OSBPL1A: variants seen among roughly 807,000 people sequenced by gnomAD.
The protein encoded by OSBPL1A is oxysterol-binding protein-related protein 1.
OSBPL1A carries 80 observed loss-of-function variants against 137.1 expected under a neutral mutation model. The observed-to-expected ratio is 0.58, with a 90% CI of 0.49 to 0.70. The LOEUF (loss-of-function observed/expected upper bound fraction) is 0.70, where lower values mean the gene tolerates loss of function less well. Among genes scored for constraint, OSBPL1A ranks in the 30% least tolerant of loss-of-function variants. OSBPL1A has a pLI of 0.00. For missense variants in OSBPL1A, 970 were observed against 1,129.4 expected, an observed-to-expected ratio of 0.86 and a Z score of 2.02; for synonymous variants, 365 against 389.7, an observed-to-expected ratio of 0.94 and a Z score of 0.75.
chr18:24,197,786 CTT>C (rs1043369707), intron 17 of OSBPL1A, among the ~76,000 whole-genome samples: 5 of 122,800 alleles, frequency 4.1e-5, no homozygotes, highest in Non-Finnish European at 5.1e-5. Context: ...CTTTTCTTTT[CTT>C]TTTTTTTTTT....
At chr18:24,245,125 G>A (rs1182182042) in intron 15 of OSBPL1A, among the ~76,000 whole-genome samples, 2 of 151,748 alleles carry the variant, frequency 1.3e-5, no homozygotes, top group African/African-American at 2.4e-5. Context: ...ACAAGGTCTC[G>A]CTCTGTCAAC....
At chr18:24,249,996 G>A (rs1327398103) in intron 15 of OSBPL1A, among the ~76,000 whole-genome samples, 1 of 152,138 alleles carries the variant, frequency 6.6e-6, no homozygotes, top group African/African-American at 2.4e-5. Context: ...CAATGAAAGT[G>A]TCTCTTTCCT....
At position 24,353,661 on chromosome 18, in the gene OSBPL1A, A is replaced by AC. The variant is rs2091483396; in HGVS notation, c.283-12004dup. 5.9e-5 allele frequency among the ~76,000 whole-genome samples: 9 copies of AC among 151,492 alleles called. No homozygotes were observed. The South Asian group carries it at 1.9e-3, about 32-fold the overall frequency. ...CTATTCACAATAGCAAAGACTTGGA[A>AC]CCAACCCAAATGTCCAACAATGATA... is the stretch of plus-strand genomic sequence containing the variant. On this transcript the variant is annotated intron_variant, in intron 4 of 27. Coordinates refer to ENST00000319481, the MANE Select transcript of OSBPL1A (RefSeq NM_080597.4).
chr18:24,294,049 A>AT (rs558835262), intron 14 of OSBPL1A, among the ~76,000 whole-genome samples: 70 of 149,430 alleles, frequency 4.7e-4, no homozygotes, highest in East Asian at 1.8e-3. Flanking sequence ...TTCCTCTCAG[A>AT]TTTTTTTTTT....
At chr18:24,316,358 A>G (rs2090734688) in intron 11 of OSBPL1A, among the ~76,000 whole-genome samples, 1 of 152,176 alleles carries the variant, frequency 6.6e-6, no homozygotes, top group Non-Finnish European at 1.5e-5. Flanking sequence ...GAAAAATCCA[A>G]TTAAAAGGCA....
intron 17 of OSBPL1A, among the ~76,000 whole-genome samples, chr18:24,208,653 C>T (rs1049968435): frequency 1.2e-4 from 18 of 152,184 alleles, no homozygotes; most frequent in African/African-American, 4.3e-4. Flanking sequence ...CCATTAGATT[C>T]CAAGCCCTGT....
chr18:24,333,739 G>T (rs1268846193), intron 6 of OSBPL1A, among the ~76,000 whole-genome samples: 3 of 152,176 alleles, frequency 2.0e-5, no homozygotes, highest in Non-Finnish European at 2.9e-5. Context: ...TTCTAAGGTG[G>T]CGGGGAACAG....
chr18:24,356,018 A>G (rs2091528795), intron 4 of OSBPL1A, among the ~76,000 whole-genome samples: 2 of 151,584 alleles, frequency 1.3e-5, no homozygotes, highest in Non-Finnish European at 1.5e-5. Flanking sequence ...AAAAAAAAGA[A>G]AAGAAAAATT....
intron 15 of OSBPL1A, among the ~76,000 whole-genome samples, chr18:24,255,357 G>A (rs907465273): frequency 7.9e-5 from 12 of 152,110 alleles, no homozygotes; most frequent in Non-Finnish European, 1.2e-4. Context: ...CATTACAGCC[G>A]TGAAAGGAAA....
intron 7 of OSBPL1A, among the ~76,000 whole-genome samples, chr18:24,328,606 C>G (rs1271885230): frequency 6.6e-6 from 1 of 152,088 alleles, no homozygotes; most frequent in Non-Finnish European, 1.5e-5. Context: ...AAGACAAGAG[C>G]ACTTCTGGCA....
chr18:24,255,770 T>G (rs2089254186), intron 15 of OSBPL1A, among the ~76,000 whole-genome samples: 1 of 138,474 alleles, frequency 7.2e-6, no homozygotes, highest in South Asian at 2.3e-4. Context: ...TTTTTTTTTT[T>G]TTTTGAGATG....
At chr18:24,351,347 C>CAAAAAAAAAAAAAAAAAAA (rs1172514692) in intron 4 of OSBPL1A, among the ~76,000 whole-genome samples, 45 of 35,754 alleles carry the variant, frequency 1.3e-3, no homozygotes, top group African/African-American at 2.0e-3. Flanking sequence ...GACTCTGTCT[C>CAAAAAAAAAAAAAAAAAAA]AAAAAAAAAA....
At chr18:24,386,066 T>C (rs1004220423) in intron 1 of OSBPL1A, among the ~76,000 whole-genome samples, 2 of 152,084 alleles carry the variant, frequency 1.3e-5, no homozygotes, top group African/African-American at 4.8e-5. Context: ...AGCTCCTATC[T>C]GATGACTGCC....
intron 4 of OSBPL1A, among the ~76,000 whole-genome samples, chr18:24,362,043 T>C (rs1453219162): frequency 7.1e-6 from 1 of 140,494 alleles, no homozygotes; most frequent in Non-Finnish European, 1.6e-5. Flanking sequence ...ATAACACTAA[T>C]ACAAGGTAGA....
At chr18:24,335,231 G>A (rs1272562533) in intron 5 of OSBPL1A, among the ~76,000 whole-genome samples, 1 of 152,128 alleles carries the variant, frequency 6.6e-6, no homozygotes, top group Non-Finnish European at 1.5e-5. Flanking sequence ...TACATGCCAA[G>A]TGCTATTCAA....
At chr18:24,330,855 C>T (rs1293414089) in intron 7 of OSBPL1A, among the ~76,000 whole-genome samples, 1 of 152,102 alleles carries the variant, frequency 6.6e-6, no homozygotes, top group Non-Finnish European at 1.5e-5. Flanking sequence ...AGTGCAATGG[C>T]ATGATCTCGC....
At chr18:24,203,788 A>G (rs1216056740) in intron 17 of OSBPL1A, among the ~76,000 whole-genome samples, 1 of 152,146 alleles carries the variant, frequency 6.6e-6, no homozygotes, top group Non-Finnish European at 1.5e-5. Flanking sequence ...CATATTCCAA[A>G]TTAGGGTACT....
chr18:24,318,688 C>T (rs747041863), intron 8 of OSBPL1A, 43 bp from the exon 9 acceptor site: 10 of 1,600,854 alleles, frequency 6.2e-6, no homozygotes, highest in Non-Finnish European at 8.5e-6. Flanking sequence ...CTACATATTT[C>T]AAACATTCAA....
chr18:24,294,129 T>C (rs772378705), intron 14 of OSBPL1A, among the ~76,000 whole-genome samples: 1 of 152,142 alleles, frequency 6.6e-6, no homozygotes, highest in Admixed American at 6.5e-5. Context: ...TAGGTGGTGT[T>C]TGGTTACATG....
Sources: allele counts gnomAD v4.1 joint callset (sites outside exome capture counted in the v4.1 genomes callset), GRCh38; gene constraint gnomAD v4.1.1; transcripts MANE v1.5; gene names NCBI Gene and HGNC (gene_info 2026-07-23, HGNC 2026-07-21).